The following MREG variants were observed in gnomAD, a reference collection of about 807,000 sequenced individuals.
The protein encoded by MREG is dilute suppressor protein homolog.
A neutral mutation model predicts 28.5 loss-of-function variants in MREG; 31 were observed. The ratio of observed to expected loss-of-function variants is 1.09; its 90% confidence interval spans 0.82 to 1.47. The LOEUF (loss-of-function observed/expected upper bound fraction) is 1.47, where lower values mean the gene tolerates loss of function less well. Among genes scored for constraint, MREG ranks in the 40% most tolerant of loss-of-function variants. The probability of loss-of-function intolerance (pLI) is 0.00; values close to 1 mark genes in which losing one functional copy is unlikely to be tolerated. For synonymous variants in MREG, 106 were observed against 95.2 expected, an observed-to-expected ratio of 1.11 and a Z score of -0.66; for missense variants, 256 against 257.4, an observed-to-expected ratio of 0.99 and a Z score of 0.04.
At chr2:215,945,123 T>A in intron 4 of MREG, 126 bp from the exon 5 acceptor site, 1 of 1,006,128 alleles carries the variant, frequency 9.9e-7, no homozygotes, top group Non-Finnish European at 1.4e-6. Flanking sequence ...GTAAGACGTT[T>A]ATTAATTTTT....
chr2:215,944,374 G>A lies in MREG; in HGVS notation c.*489C>T, dbSNP rs1218464701. On this transcript the variant is annotated 3_prime_UTR_variant, in exon 5 of 5. Coordinates refer to ENST00000263268, the MANE Select transcript of MREG (RefSeq NM_018000.3). The stretch of plus-strand genomic sequence containing the variant: ...CCTGACACCCTCCAAGGTTCTACAA[G>A]GTGACCAAATCAGAGAGGTCACCTC... The A allele has an allele frequency of 6.6e-6, 1 of 152,426 alleles. No homozygotes were observed. Among genetic ancestry groups the A allele is most frequent in the Non-Finnish European group, 1.5e-5 (1 of 68,248 alleles). 9.4% of individuals were successfully genotyped at this position (152,426 alleles called of 1,614,324 possible).
intron 2 of MREG, among the ~76,000 whole-genome samples, chr2:215,957,436 C>G (rs1692653877): frequency 6.6e-6 from 1 of 152,146 alleles, no homozygotes; most frequent in Non-Finnish European, 1.5e-5. Flanking sequence ...CTCCCTCCCC[C>G]ACACTCTCCT....
At chr2:216,011,043 C>A (rs906033098) in intron 1 of MREG, among the ~76,000 whole-genome samples, 1 of 148,748 alleles carries the variant, frequency 6.7e-6, no homozygotes. Context: ...TTGCAGTGAG[C>A]CGAGATCATG....
chr2:215,999,280 C>A (rs16855240), intron 1 of MREG, among the ~76,000 whole-genome samples: 653 of 152,324 alleles, frequency 4.3e-3, no homozygotes, highest in Middle Eastern at 0.014. Flanking sequence ...ATTTTGAGCC[C>A]TGTCAGGTCT....
Position 215,945,555 on chromosome 2 carries a change from A to G in MREG, c.510+16T>C, listed in dbSNP as rs746563861. ...TAAAGCAAAATTAGGGCAAATGAAAAAAAGCATCCACTTACCACAACAAAG... is the reference window on the plus strand; with the variant it reads ...TAAAGCAAAATTAGGGCAAATGAAAGAAAGCATCCACTTACCACAACAAAG... On this transcript the variant is annotated intron_variant, in intron 4 of 4. Coordinates refer to ENST00000263268, the MANE Select transcript of MREG (RefSeq NM_018000.3). 4.4e-6 allele frequency: 7 copies of G among 1,600,784 alleles called. No individual in the cohort carries two copies. In the East Asian group the frequency reaches 1.6e-4, roughly 36 times the overall value.
At chr2:215,958,952 T>C (rs981477173) in intron 2 of MREG, among the ~76,000 whole-genome samples, 4 of 152,176 alleles carry the variant, frequency 2.6e-5, no homozygotes, top group African/African-American at 9.6e-5. Context: ...TTAGTATCCC[T>C]ATTCTGGGGA....
chr2:215,957,954 T>C (rs910663992), intron 2 of MREG, among the ~76,000 whole-genome samples: 1 of 152,058 alleles, frequency 6.6e-6, no homozygotes, highest in African/African-American at 2.4e-5. Flanking sequence ...ATGTCCTTTG[T>C]AGGGACATGG....
chr2:215,972,776 GT>G (rs1010989356), intron 2 of MREG, among the ~76,000 whole-genome samples: 1 of 152,120 alleles, frequency 6.6e-6, no homozygotes, highest in African/African-American at 2.4e-5. Flanking sequence ...CAATAAAATT[GT>G]TTTTTAAAAA....
At chr2:215,997,722 G>A (rs117237900) in intron 1 of MREG, among the ~76,000 whole-genome samples, 7 of 152,200 alleles carry the variant, frequency 4.6e-5, no homozygotes, top group Admixed American at 1.3e-4. Flanking sequence ...GAAGGCAGGC[G>A]TCAGGTAGGT....
chr2:216,011,329 G>A (rs912129206), intron 1 of MREG, among the ~76,000 whole-genome samples: 6 of 152,104 alleles, frequency 3.9e-5, no homozygotes, highest in African/African-American at 1.4e-4. Context: ...TGGAAATGGT[G>A]CCAGAATGAC....
chr2:215,976,991 C>G (rs1693279463), intron 2 of MREG, among the ~76,000 whole-genome samples: 1 of 152,172 alleles, frequency 6.6e-6, no homozygotes, highest in South Asian at 2.1e-4. Context: ...AAATAACCAG[C>G]TAACATCATA....
intron 2 of MREG, among the ~76,000 whole-genome samples, chr2:215,976,484 AC>A (rs970332866): frequency 8.5e-5 from 13 of 152,272 alleles, no homozygotes; most frequent in African/African-American, 2.9e-4. Context: ...ACCATCTACC[AC>A]CATCAAAGGA....
intron 2 of MREG, among the ~76,000 whole-genome samples, chr2:215,992,393 A>G (rs1693741004): frequency 6.6e-6 from 1 of 152,236 alleles, no homozygotes; most frequent in African/African-American, 2.4e-5. Flanking sequence ...GATGGAATGT[A>G]TCTCAAAATA....
chr2:215,978,742 T>G lies in MREG; in HGVS notation c.255+17564A>C, dbSNP rs115950357. 3.3e-3 allele frequency among the ~76,000 whole-genome samples: 497 copies of G among 152,310 alleles called. 3 individuals carry two copies. Among genetic ancestry groups the G allele is most frequent in the African/African-American group, 0.011 (473 of 41,560 alleles). On this transcript the variant is annotated intron_variant, in intron 2 of 4. Coordinates refer to ENST00000263268, the MANE Select transcript of MREG (RefSeq NM_018000.3). ...GCCTGGTTCAGCATACTCAAATCAA[T>G]AAACATAATCTATCACATAAACAGA... is the stretch of plus-strand genomic sequence containing the variant.
chr2:215,989,415 T>C (rs1412543623), intron 2 of MREG, among the ~76,000 whole-genome samples: 1 of 151,996 alleles, frequency 6.6e-6, no homozygotes, highest in Non-Finnish European at 1.5e-5. Flanking sequence ...AGACCGAAGG[T>C]AGATAAATCC....
chr2:216,004,874 T>C (rs965890427), intron 1 of MREG, among the ~76,000 whole-genome samples: 5 of 151,316 alleles, frequency 3.3e-5, no homozygotes, highest in Non-Finnish European at 7.4e-5. Flanking sequence ...TTTAAGAGAG[T>C]GGTCAGGGTA....
upstream of MREG, among the ~76,000 whole-genome samples, chr2:216,015,703 G>A (rs1347734911): frequency 2.0e-5 from 3 of 152,206 alleles, no homozygotes; most frequent in African/African-American, 7.2e-5. Flanking sequence ...CAGGGTGGTG[G>A]GTGGTAGCAG....
At chr2:215,968,954 T>C (rs1321581965) in intron 2 of MREG, among the ~76,000 whole-genome samples, 1 of 152,228 alleles carries the variant, frequency 6.6e-6, no homozygotes, top group African/African-American at 2.4e-5. Context: ...AGATGAGGTC[T>C]TGCTATGTTG....
chr2:216,015,128 T>TGCGCGCGTGCATGTGCGCGCATGTGC (rs1694417675), upstream of MREG, among the ~76,000 whole-genome samples: 1 of 151,918 alleles, frequency 6.6e-6, no homozygotes, highest in Non-Finnish European at 1.5e-5. Context: ...CGCGTGTGTG[T>TGCGCGCGTGCATGTGCGCGCATGTGC]GCGCGCGTGC....
Sources: gnomAD v4.1 joint callset for allele counts (sites outside exome capture counted in the v4.1 genomes callset) on GRCh38, gnomAD v4.1.1 for gene constraint, MANE v1.5 for transcripts, NCBI Gene and HGNC (gene_info 2026-07-23, HGNC 2026-07-21) for gene names.